Variants in VIPR2 observed in about 807,000 individuals in gnomAD.
VIPR2 encodes the protein vasoactive intestinal peptide receptor 2, also known as vasoactive intestinal polypeptide receptor 2.
A neutral mutation model predicts 58.0 loss-of-function variants in VIPR2; 48 were observed. That is an observed-to-expected ratio of 0.83 (90% CI 0.66 to 1.05). The LOEUF (loss-of-function observed/expected upper bound fraction) is 1.05, where lower values mean the gene tolerates loss of function less well. VIPR2 is among the 50% of genes least tolerant of loss of function. The pLI, the probability that VIPR2 is intolerant of heterozygous loss-of-function variation, is 0.00. For synonymous variants in VIPR2, 243 were observed against 235.2 expected (o/e 1.03, Z -0.30); for missense variants, 534 against 558.0 (o/e 0.96, Z 0.43).
chr7:159,062,400 G>T (rs1016552750), intron 4 of VIPR2, among the ~76,000 whole-genome samples: 16 of 152,304 alleles, frequency 1.1e-4, no homozygotes, highest in Admixed American at 7.8e-4. Flanking sequence ...TCCCCAGTTT[G>T]TTCCTTCTGA....
intron 7 of VIPR2, 22 bp downstream of exon 7, chr7:159,036,730 G>A: frequency 1.2e-6 from 2 of 1,604,386 alleles, no homozygotes; most frequent in South Asian, 2.2e-5. Flanking sequence ...GAGGGTTTGT[G>A]GGTGGGAAGG....
In VIPR2 at chr7:159,090,119, G is replaced by A. The variant is rs371121999; in HGVS notation, c.357+13638C>T. Among the ~76,000 whole-genome samples, 156 of 100,464 alleles carry A rather than the reference G, an allele frequency of 1.6e-3. 2 individuals are homozygous for A. Among genetic ancestry groups the A allele is most frequent in the Middle Eastern group, 6.8e-3 (1 of 146 alleles). The allele number at this position is 100,464 out of a possible 152,430, so 65.9% of individuals were successfully genotyped here. A position where few individuals can be genotyped will look rare whatever the true frequency, so the allele number is the denominator to read the frequency against. On this transcript the variant is annotated intron_variant, in intron 4 of 12. Transcript: ENST00000262178. The stretch of plus-strand genomic sequence containing the variant: ...ACCTCTTGTGACCATCACAATCCCC[G>A]GTGACCTCAGCACAGACACGCTGGG...
At chr7:159,115,403 A>G (rs374029880) in intron 2 of VIPR2, among the ~76,000 whole-genome samples, 57 of 152,386 alleles carry the variant, frequency 3.7e-4, no homozygotes, top group African/African-American at 1.3e-3. Flanking sequence ...AAAATGTCCC[A>G]TGTAAATAAT....
chr7:159,030,559 C>T lies in VIPR2; in HGVS notation c.*57G>A, dbSNP rs1853478501. 6 of 1,472,480 alleles carry T rather than the reference C, an allele frequency of 4.1e-6. No homozygotes were observed. Among genetic ancestry groups the T allele is most frequent in the Non-Finnish European group, 5.4e-6 (6 of 1,108,072 alleles). 91.2% of individuals were successfully genotyped at this position (1,472,480 alleles called of 1,614,324 possible). On this transcript the variant is annotated 3_prime_UTR_variant, in exon 13 of 13. Transcript: ENST00000262178. ...TGGAAGGAGGAAGCCGGCGTCTCAG[C>T]CCCGCAGAAGCCCCGAACCGTGGGC...
intron 2 of VIPR2, among the ~76,000 whole-genome samples, chr7:159,119,884 T>TCAGAAGAAACGCC (rs57576036): frequency 8.8e-5 from 13 of 148,042 alleles, no homozygotes; most frequent in African/African-American, 2.6e-4. Context: ...GTAGGTGGGG[T>TCAGAAGAAACGCC]TGGAAGAAAC....
rs1168641314 is a variant in VIPR2, at chr7:159,127,863, C to G, written c.151+14583G>C. On this transcript the variant is annotated intron_variant, in intron 2 of 12. Coordinates refer to ENST00000262178, the MANE Select transcript of VIPR2 (RefSeq NM_003382.5). The surrounding 1 kb of genome is among the most constrained non-coding windows in gnomAD (Gnocchi z 4.6). Reference sequence around the variant, plus strand: ...CTGCTGGGGCCGCAGGGGCTTAGGGCTGGGGCCACGCGAGGCCTTGGAGAG... The same window carrying G: ...CTGCTGGGGCCGCAGGGGCTTAGGGGTGGGGCCACGCGAGGCCTTGGAGAG... 1.3e-5 allele frequency among the ~76,000 whole-genome samples: 2 copies of G among 152,212 alleles called. No homozygotes were observed. The highest frequency in any genetic ancestry group is 2.4e-5 in the African/African-American group (1 of 41,456).
At chr7:159,140,824 G>A (rs1053416829) in intron 2 of VIPR2, among the ~76,000 whole-genome samples, 6 of 152,222 alleles carry the variant, frequency 3.9e-5, no homozygotes, top group Admixed American at 2.0e-4. Context: ...GTGTAAATGT[G>A]CTGACCTGCC....
chr7:159,111,290 C>A (rs1165821691), intron 2 of VIPR2, among the ~76,000 whole-genome samples: 1 of 152,218 alleles, frequency 6.6e-6, no homozygotes, highest in Non-Finnish European at 1.5e-5. Flanking sequence ...CAGCAAAGTT[C>A]TGTCCATCTC....
intron 2 of VIPR2, among the ~76,000 whole-genome samples, chr7:159,112,966 G>A (rs1303767097): frequency 6.6e-6 from 1 of 152,182 alleles, no homozygotes; most frequent in Non-Finnish European, 1.5e-5. Flanking sequence ...GACTGTGTGA[G>A]CAGGAGGCTC....
At chr7:159,136,641 C>T (rs1797241683) in intron 2 of VIPR2, among the ~76,000 whole-genome samples, 1 of 152,094 alleles carries the variant, frequency 6.6e-6, no homozygotes, top group Non-Finnish European at 1.5e-5. Context: ...TTCCACTGAC[C>T]CAGGTCTCTG....
chr7:159,063,056 C>A (rs551400197), intron 4 of VIPR2, among the ~76,000 whole-genome samples: 1 of 152,372 alleles, frequency 6.6e-6, no homozygotes, highest in African/African-American at 2.4e-5. Context: ...CACGTCCCCA[C>A]TGGACTCAGG....
chr7:159,101,792 C>T (rs1476771285), intron 4 of VIPR2, among the ~76,000 whole-genome samples: 46 of 134,462 alleles, frequency 3.4e-4, no homozygotes, highest in Non-Finnish European at 2.8e-4. Context: ...ACGGGTCTCA[C>T]GAGATCCGAC....
rs1854636938 is a variant in VIPR2 at position 159,046,139 on chromosome 7, G to A, written c.456-2963C>T. 2.0e-5 allele frequency among the ~76,000 whole-genome samples: 3 copies of A among 152,156 alleles called. No homozygotes were observed. The South Asian group carries it at 6.2e-4, about 32-fold the overall frequency. On this transcript the variant is annotated intron_variant, in intron 5 of 12. Coordinates refer to ENST00000262178, the MANE Select transcript of VIPR2 (RefSeq NM_003382.5). ...ATATTGCTAGTGGAAATGTAAAATG[G>A]TACAGTCATTGTGGAAAGCAGTTTG...
At chr7:159,033,824 T>C (rs1482786233) in intron 10 of VIPR2, among the ~76,000 whole-genome samples, 1 of 152,140 alleles carries the variant, frequency 6.6e-6, no homozygotes, top group East Asian at 1.9e-4. Context: ...AACATGTAAG[T>C]GGGCGGATGC....
chr7:159,059,130 T>G (rs1441528293), intron 4 of VIPR2: 1 of 420,464 alleles, frequency 2.4e-6, no homozygotes, highest in African/African-American at 2.1e-5. Context: ...TTGATACTTT[T>G]AATCTCCACG....
chr7:159,068,051 A>G (rs925600025), intron 4 of VIPR2, among the ~76,000 whole-genome samples: 1 of 152,218 alleles, frequency 6.6e-6, no homozygotes, highest in Non-Finnish European at 1.5e-5. Context: ...CCAACTCCAG[A>G]AGTGAACAGC....
intron 2 of VIPR2, among the ~76,000 whole-genome samples, chr7:159,137,189 G>A (rs1797266086): frequency 1.3e-5 from 2 of 152,112 alleles, no homozygotes; most frequent in Non-Finnish European, 2.9e-5. Flanking sequence ...TGGTCACCCA[G>A]GCAACAGCTC....
At chr7:159,105,140 C>G (rs186866399) in intron 3 of VIPR2, among the ~76,000 whole-genome samples, 1 of 152,168 alleles carries the variant, frequency 6.6e-6, no homozygotes, top group Non-Finnish European at 1.5e-5. Flanking sequence ...CCACACAGAA[C>G]AGTAAGTGAT....
intron 4 of VIPR2, among the ~76,000 whole-genome samples, chr7:159,094,203 T>G (rs544408761): frequency 6.6e-6 from 1 of 152,170 alleles, no homozygotes; most frequent in Non-Finnish European, 1.5e-5. Flanking sequence ...ATCTGGGATG[T>G]GAAACCTGTG....
Sources: allele counts gnomAD v4.1 joint callset (sites outside exome capture counted in the v4.1 genomes callset), GRCh38; gene constraint gnomAD v4.1.1; non-coding constraint Gnocchi (gnomAD v3.1); transcripts MANE v1.5; gene names NCBI Gene and HGNC (gene_info 2026-07-23, HGNC 2026-07-21).